LRP2: variants seen among roughly 807,000 people sequenced by gnomAD.
LRP2 encodes the protein low-density lipoprotein receptor-related protein 2.
Under a neutral mutation model 531.0 loss-of-function variants are expected in LRP2, and 172 were observed. The observed-to-expected ratio is 0.32, with a 90% CI of 0.29 to 0.37. The LOEUF is 0.37. LRP2 is among the 10% of genes least tolerant of loss of function. LRP2 has a pLI of 1.00. For missense variants in LRP2, 5,167 were observed against 5,868.3 expected, an observed-to-expected ratio of 0.88 and a Z score of 3.90; for synonymous variants, 1,992 against 2,027.6, an observed-to-expected ratio of 0.98 and a Z score of 0.47.
At chr2:169,171,871 C>T in intron 58 of LRP2, 144 bp downstream of exon 58, 1 of 980,428 alleles carries the variant, frequency 1.0e-6, no homozygotes, top group Non-Finnish European at 1.6e-6. Flanking sequence ...TAGAAATGTA[C>T]TGACCAGCAG....
At chr2:169,355,999 T>C (rs1422929500) in intron 1 of LRP2, among the ~76,000 whole-genome samples, 5 of 152,136 alleles carry the variant, frequency 3.3e-5, no homozygotes, top group Admixed American at 3.3e-4. Flanking sequence ...CAAGCGATCA[T>C]CTCACCTCAG....
intron 63 of LRP2, among the ~76,000 whole-genome samples, chr2:169,162,133 C>T (rs942779707): frequency 6.6e-6 from 1 of 152,180 alleles, no homozygotes; most frequent in Non-Finnish European, 1.5e-5. Context: ...AGGACTTGCT[C>T]TGCAGTGAAA....
chr2:169,289,044 C>T lies in LRP2; in HGVS notation c.1024G>A (p.Asp342Asn). 6.2e-7 allele frequency: 1 copy of T among 1,614,042 alleles called. No individual in the cohort carries two copies. The highest frequency in any genetic ancestry group is 1.1e-5 in the South Asian group (1 of 91,068). ...CPPGYIINHN[D>N]SRTCVEFDDC... ...CACTTACCAACACAGGTACGGCTGT[C>T]ATTGTGGTTGATGATATAACCTGGG... is the stretch of plus-strand genomic sequence containing the variant. Residue 342 changes from aspartate to asparagine, a missense_variant, in exon 9 of 79, where the codon GAC (aspartate) becomes AAC (asparagine). Asp to Asn is a conservative substitution (Grantham distance 23). This residue lies in a region of LRP2 where 2,811 missense variants were observed against 3,058.0 expected (regional missense o/e 0.92). Coordinates refer to ENST00000649046, the MANE Select transcript of LRP2 (RefSeq NM_004525.3).
At chr2:169,172,327 A>G (rs1008030238) in intron 57 of LRP2, among the ~76,000 whole-genome samples, 193 bp from the exon 58 acceptor site, 3 of 151,972 alleles carry the variant, frequency 2.0e-5, no homozygotes, top group Non-Finnish European at 2.9e-5. Context: ...ACCACTTGAA[A>G]CTCGATCCAT....
At chr2:169,267,436 T>G (rs778084670) in intron 16 of LRP2, among the ~76,000 whole-genome samples, 10 of 152,066 alleles carry the variant, frequency 6.6e-5, no homozygotes, top group Non-Finnish European at 1.3e-4. Context: ...AAATTAGAAC[T>G]CAGGATCCAG....
At chr2:169,337,755 T>G (rs1559082157) in intron 1 of LRP2, among the ~76,000 whole-genome samples, 1 of 152,206 alleles carries the variant, frequency 6.6e-6, no homozygotes. Context: ...TATGCATGCA[T>G]GTACATCTAC....
intron 10 of LRP2, among the ~76,000 whole-genome samples, chr2:169,282,590 C>T (rs537627551): frequency 6.6e-6 from 1 of 152,300 alleles, no homozygotes; most frequent in South Asian, 2.1e-4. Flanking sequence ...ATTTATTCCA[C>T]AATTAAAGGT....
chr2:169,210,564 G>A (rs1688557560), intron 37 of LRP2, among the ~76,000 whole-genome samples: 1 of 152,148 alleles, frequency 6.6e-6, no homozygotes, highest in East Asian at 1.9e-4. Context: ...TAAATATTCA[G>A]ACAAATCCTC....
intron 1 of LRP2, among the ~76,000 whole-genome samples, chr2:169,340,081 G>A (rs371698997): frequency 6.6e-6 from 1 of 152,030 alleles, no homozygotes. Flanking sequence ...CCATCTCTTA[G>A]AGTCATTTAG....
Position 169,131,050 on chromosome 2 carries a change from A to G in LRP2, c.13728+1524T>C, listed in dbSNP as rs527556792. Among the ~76,000 whole-genome samples the G allele has an allele frequency of 4.6e-5, 7 of 152,364 alleles. No homozygotes were observed. In the South Asian group the frequency reaches 1.4e-3, roughly 32 times the overall value. ...TGGACTGAGAAAAAATGTTGAAAAT[A>G]TAAAATAAATCTGGCACTAGCTTGG... On this transcript the variant is annotated intron_variant, in intron 77 of 78. Coordinates refer to ENST00000649046, the MANE Select transcript of LRP2 (RefSeq NM_004525.3).
In LRP2 at chr2:169,145,797, G is replaced by C. The variant is rs369207763; in HGVS notation, c.12938C>G (p.Pro4313Arg). ...GKKEKTLVVN[P>R]WLTQVRIFHQ... The stretch of plus-strand genomic sequence containing the variant: ...AAAGATTCGAACTTGAGTGAGCCAA[G>C]GGTTCACTACCAGCGTTTTCTCTTT... The change falls in exon 70 of 79, where the codon CCT (proline) becomes CGT (arginine). Residue 4313 changes from proline (P) to arginine (R), a missense_variant. Physicochemically the swap from Pro to Arg is moderately radical, Grantham distance 103. Coordinates refer to ENST00000649046, the MANE Select transcript of LRP2 (RefSeq NM_004525.3). 1.9e-6 allele frequency: 3 copies of C among 1,614,084 alleles called. No individual in the cohort carries two copies. The highest frequency in any genetic ancestry group is 8.5e-7 in the Non-Finnish European group (1 of 1,179,990).
chr2:169,341,222 T>C (rs1168952564), intron 1 of LRP2, among the ~76,000 whole-genome samples: 2 of 152,146 alleles, frequency 1.3e-5, no homozygotes, highest in Non-Finnish European at 2.9e-5. Flanking sequence ...GTGCAAGGCA[T>C]GTCCAAGAAA....
chr2:169,244,421 A>G (rs957723496), intron 22 of LRP2, among the ~76,000 whole-genome samples: 1 of 152,182 alleles, frequency 6.6e-6, no homozygotes, highest in Non-Finnish European at 1.5e-5. Context: ...CACTTTTTCA[A>G]TTCCTATCTG....
intron 1 of LRP2, among the ~76,000 whole-genome samples, chr2:169,358,584 G>T (rs1434768553): frequency 6.6e-6 from 1 of 152,120 alleles, no homozygotes; most frequent in African/African-American, 2.4e-5. Flanking sequence ...AACGATACAA[G>T]TTTGCTATTG....
At chr2:169,154,290 G>T (rs1424874884) in intron 66 of LRP2, among the ~76,000 whole-genome samples, 170 bp downstream of exon 66, 1 of 152,194 alleles carries the variant, frequency 6.6e-6, no homozygotes, top group Non-Finnish European at 1.5e-5. Flanking sequence ...AAGCTTGGCT[G>T]GGATTCAAGG....
At chr2:169,178,071 C>T in intron 52 of LRP2, 45 bp from the exon 53 acceptor site, 1 of 1,339,520 alleles carries the variant, frequency 7.5e-7, no homozygotes, top group South Asian at 1.2e-5. Context: ...GGTAATTCCT[C>T]TCCTCTAATG....
intron 63 of LRP2, among the ~76,000 whole-genome samples, chr2:169,160,867 T>C (rs1003780085): frequency 1.3e-4 from 20 of 152,102 alleles, no homozygotes; most frequent in African/African-American, 4.8e-4. Context: ...TAACTCCAAG[T>C]CCCACAGAAA....
chr2:169,315,439 G>A lies in LRP2; in HGVS notation c.310+3323C>T, dbSNP rs181183462. On this transcript the variant is annotated intron_variant, in intron 3 of 78. Coordinates refer to ENST00000649046, the MANE Select transcript of LRP2 (RefSeq NM_004525.3). Reference sequence around the variant, plus strand: ...TGACACCTCCCTGGGTCTTAAAGAAGCAGCAGTCAGGTAGGCCAAAAGCAA... The same window carrying A: ...TGACACCTCCCTGGGTCTTAAAGAAACAGCAGTCAGGTAGGCCAAAAGCAA... Among the ~76,000 whole-genome samples the A allele has an allele frequency of 1.8e-4, 27 of 152,322 alleles. No homozygotes were observed. In the Middle Eastern group the frequency reaches 0.01, roughly 58 times the overall value.
intron 4 of LRP2, among the ~76,000 whole-genome samples, chr2:169,302,542 G>A (rs1225421732): frequency 2.0e-5 from 3 of 152,116 alleles, no homozygotes; most frequent in African/African-American, 7.2e-5. Context: ...ATAGAGGCCA[G>A]GGATACTGTT....
Sources: gnomAD v4.1 joint callset for allele counts (sites outside exome capture counted in the v4.1 genomes callset) on GRCh38, gnomAD v4.1.1 for gene constraint, gnomAD v4.1.1 regional missense constraint, MANE v1.5 for transcripts, NCBI Gene and HGNC (gene_info 2026-07-23, HGNC 2026-07-21) for gene names.